The following PDZRN3 variants were observed in gnomAD, a reference collection of about 807,000 sequenced individuals.
PDZRN3 encodes the protein PDZ domain containing ring finger 3.
PDZRN3 carries 38 observed loss-of-function variants against 85.7 expected under a neutral mutation model. That is an observed-to-expected ratio of 0.44 (90% confidence interval 0.34 to 0.58). The LOEUF (loss-of-function observed/expected upper bound fraction) is 0.58, where lower values mean the gene tolerates loss of function less well. Among genes scored for constraint, PDZRN3 ranks in the 20% least tolerant of loss-of-function variants. The pLI, the probability that PDZRN3 is intolerant of heterozygous loss-of-function variation, is 0.01. For synonymous variants in PDZRN3, 759 were observed against 638.0 expected (o/e 1.19, Z -2.86); for missense variants, 1,629 against 1,506.4 (o/e 1.08, Z -1.35).
intron 7 of PDZRN3, among the ~76,000 whole-genome samples, chr3:73,389,330 G>A (rs1559650603): frequency 6.6e-6 from 1 of 152,174 alleles, no homozygotes; most frequent in Non-Finnish European, 1.5e-5. Flanking sequence ...AGGATGGTTA[G>A]ATGTTGAGTC....
intron 3 of PDZRN3, among the ~76,000 whole-genome samples, chr3:73,567,376 C>T (rs189474985): frequency 6.6e-6 from 1 of 152,176 alleles, no homozygotes; most frequent in Admixed American, 6.5e-5. Flanking sequence ...AAAATAGTAA[C>T]AAAATCTGTT....
intron 3 of PDZRN3, among the ~76,000 whole-genome samples, chr3:73,464,520 G>A (rs566109546): frequency 2.0e-5 from 3 of 152,104 alleles, no homozygotes; most frequent in Admixed American, 6.5e-5. Context: ...TTTCTATGTT[G>A]GTAATTATAT....
At chr3:73,569,217 C>A in intron 3 of PDZRN3, 1 of 1,288,884 alleles carries the variant, frequency 7.8e-7, no homozygotes, top group Non-Finnish European at 1.0e-6. Context: ...TTCTGAAGGT[C>A]CTTCATAAAT....
chr3:73,479,389 T>TAAA (rs11456991), intron 3 of PDZRN3, among the ~76,000 whole-genome samples: 11 of 147,440 alleles, frequency 7.5e-5, no homozygotes, highest in Non-Finnish European at 9.0e-5. Context: ...CTTCTCAAAG[T>TAAA]AAAAAAAAAA....
chr3:73,466,483 T>C (rs1703217264), intron 3 of PDZRN3, among the ~76,000 whole-genome samples: 2 of 152,168 alleles, frequency 1.3e-5, no homozygotes, highest in Admixed American at 1.3e-4. Context: ...CCTGAATTGG[T>C]GCTTCAATAA....
intron 5 of PDZRN3, among the ~76,000 whole-genome samples, chr3:73,397,213 T>A (rs564107471): frequency 2.0e-5 from 3 of 152,206 alleles, no homozygotes; most frequent in Admixed American, 2.0e-4. Flanking sequence ...CCATCTGTTT[T>A]TCTCTGTGCA....
At position 73,384,871 on chromosome 3, in the gene PDZRN3, G is replaced by A. The variant is rs757615511; in HGVS notation, c.1695C>T (p.His565=). ...TDTATILSNQ[H]EKDSGVGRTD... ...TCCGCCCCACACCGCTGTCCTTCTC[G>A]TGCTGGTTGGACAAGATGGTGGCTG... is the stretch of plus-strand genomic sequence containing the variant. The change falls in exon 10 of 10, where the codon CAC becomes CAT. Residue 565 remains histidine (H), a synonymous_variant. Coordinates refer to ENST00000263666, the MANE Select transcript of PDZRN3 (RefSeq NM_015009.3). 5 of 1,613,816 alleles carry A rather than the reference G, an allele frequency of 3.1e-6. No homozygotes were observed. The South Asian group carries it at 3.3e-5, about 11-fold the overall frequency.
intron 3 of PDZRN3, among the ~76,000 whole-genome samples, chr3:73,512,045 T>TG (rs1205751606): frequency 2.7e-5 from 4 of 150,596 alleles, no homozygotes; most frequent in African/African-American, 7.5e-5. Context: ...AGTTTGTTAT[T>TG]GTTGTTAATT....
At chr3:73,499,113 C>A (rs2106680138) in intron 3 of PDZRN3, among the ~76,000 whole-genome samples, 1 of 152,278 alleles carries the variant, frequency 6.6e-6, no homozygotes, top group African/African-American at 2.4e-5. Flanking sequence ...GGTTCTTATG[C>A]TCCGTAATCA....
intron 1 of PDZRN3, among the ~76,000 whole-genome samples, chr3:73,619,827 A>G (rs4677318): frequency 6.6e-6 from 1 of 151,980 alleles, no homozygotes; most frequent in Non-Finnish European, 1.5e-5. Flanking sequence ...ATACACATTT[A>G]TAAGAGATTA....
rs189464297 is a variant in PDZRN3, at chr3:73,604,340, T to G, written c.811-1879A>C. On this transcript the variant is annotated intron_variant, in intron 2 of 9. Coordinates refer to ENST00000263666, the MANE Select transcript of PDZRN3 (RefSeq NM_015009.3). ...TACATAGTGAGTGCTCTATGTGCAC[T>G]GTTTAATCCTCACAATAACCACAAG... Among the ~76,000 whole-genome samples the G allele has an allele frequency of 2.6e-5, 4 of 152,332 alleles. No homozygotes were observed. In the East Asian group the frequency reaches 7.7e-4, roughly 29 times the overall value.
intron 3 of PDZRN3, among the ~76,000 whole-genome samples, chr3:73,594,965 CA>C (rs1559752039): frequency 6.6e-6 from 1 of 152,086 alleles, no homozygotes; most frequent in Non-Finnish European, 1.5e-5. Flanking sequence ...ATAGCAAATA[CA>C]CAGCAAAAAG....
intron 5 of PDZRN3, among the ~76,000 whole-genome samples, chr3:73,394,840 G>C (rs559482465): frequency 6.6e-6 from 1 of 152,328 alleles, no homozygotes; most frequent in Non-Finnish European, 1.5e-5. Context: ...ATCCATAATA[G>C]GCTTTCAGAA....
chr3:73,594,609 T>C (rs1702406927), intron 3 of PDZRN3, among the ~76,000 whole-genome samples: 1 of 152,168 alleles, frequency 6.6e-6, no homozygotes, highest in East Asian at 1.9e-4. Flanking sequence ...GGGTGGAGAC[T>C]TAAACCTGGG....
rs192241377 is a variant in PDZRN3 at position 73,457,318 on chromosome 3, G to A, written c.919-52923C>T. Among the ~76,000 whole-genome samples the A allele has an allele frequency of 4.3e-3, 659 of 152,048 alleles. 4 individuals carry two copies. The highest frequency in any genetic ancestry group is 0.015 in the African/African-American group (612 of 41,472). Reference sequence around the variant, plus strand: ...AAACTCCTGACCTCAGGTGATCCACGTGCCTCAGCCTTCCAAAGTGCTGGG... The same window carrying A: ...AAACTCCTGACCTCAGGTGATCCACATGCCTCAGCCTTCCAAAGTGCTGGG... On this transcript the variant is annotated intron_variant, in intron 3 of 9. Coordinates refer to ENST00000263666, the MANE Select transcript of PDZRN3 (RefSeq NM_015009.3).
intron 3 of PDZRN3, among the ~76,000 whole-genome samples, chr3:73,572,709 C>CA (rs1170226493): frequency 1.3e-5 from 2 of 152,170 alleles, no homozygotes; most frequent in African/African-American, 4.8e-5. Context: ...ATCAGATACT[C>CA]AGAGAAATAA....
chr3:73,473,495 T>C (rs541316411), intron 3 of PDZRN3, among the ~76,000 whole-genome samples: 3 of 151,810 alleles, frequency 2.0e-5, no homozygotes, highest in Admixed American at 6.6e-5. Context: ...TGGAGATACA[T>C]AGGCCCATTT....
intron 3 of PDZRN3, among the ~76,000 whole-genome samples, chr3:73,566,037 C>A (rs545177347): frequency 2.6e-5 from 4 of 152,202 alleles, no homozygotes; most frequent in African/African-American, 9.6e-5. Context: ...GCCTGAATAT[C>A]CAGAGCATTC....
intron 3 of PDZRN3, among the ~76,000 whole-genome samples, chr3:73,518,982 C>A (rs1486475900): frequency 6.6e-6 from 1 of 152,202 alleles, no homozygotes; most frequent in African/African-American, 2.4e-5. Context: ...TGAATCAGGT[C>A]TAATTGCAAA....
Sources: allele counts gnomAD v4.1 joint callset (sites outside exome capture counted in the v4.1 genomes callset), GRCh38; gene constraint gnomAD v4.1.1; transcripts MANE v1.5; gene names NCBI Gene and HGNC (gene_info 2026-07-23, HGNC 2026-07-21).